TAF3: variants seen among roughly 807,000 people sequenced by gnomAD.
TAF3 encodes TATA-box binding protein associated factor 3.
TAF3 carries 7 observed loss-of-function variants against 80.6 expected under a neutral mutation model. The observed-to-expected ratio is 0.09, with a 90% CI of 0.05 to 0.16. TAF3 has a LOEUF of 0.16. Ranked by LOEUF, TAF3 falls within the 10% of genes least tolerant of loss-of-function variation. The probability of loss-of-function intolerance (pLI) is 1.00; values close to 1 mark genes in which losing one functional copy is unlikely to be tolerated. For missense variants in TAF3, 921 were observed against 1,140.2 expected, an observed-to-expected ratio of 0.81 and a Z score of 2.77; for synonymous variants, 444 against 446.1, an observed-to-expected ratio of 1.00 and a Z score of 0.06.
In TAF3 at chr10:7,981,833, A is replaced by G. The variant is rs1588575674; in HGVS notation, c.2315+4510A>G. 2.6e-5 allele frequency among the ~76,000 whole-genome samples: 4 copies of G among 152,208 alleles called. No individual in the cohort carries two copies. The East Asian group carries it at 5.8e-4, about 22-fold the overall frequency. On this transcript the variant is annotated intron_variant, in intron 4 of 6. Transcript: ENST00000344293. Reference sequence around the variant, plus strand: ...TTAAGCCTTGTGGGGGCTTTTTAATACTTGTAATGTCTAAATTTTTTCTAT... The same window carrying G: ...TTAAGCCTTGTGGGGGCTTTTTAATGCTTGTAATGTCTAAATTTTTTCTAT...
At position 7,995,938 on chromosome 10, in the gene TAF3, TTGATCCAATC is replaced by T. The variant is rs1369473894; in HGVS notation, c.2316-13136_2316-13127del. ...ATTGTCTTTGGGTATTTGGTGTTTT[TTGATCCAATC>T]TGAAATATGGAAATGACTGTGTTAC... On this transcript the variant is annotated intron_variant, in intron 4 of 6. Coordinates refer to ENST00000344293, the MANE Select transcript of TAF3 (RefSeq NM_031923.4). Among the ~76,000 whole-genome samples the T allele has an allele frequency of 3.3e-5, 5 of 152,334 alleles. No homozygotes were observed. In the East Asian group the frequency reaches 9.6e-4, roughly 29 times the overall value.
At chr10:7,858,714 G>T (rs915966646) in intron 2 of TAF3, among the ~76,000 whole-genome samples, 7 of 152,158 alleles carry the variant, frequency 4.6e-5, no homozygotes, top group Non-Finnish European at 1.0e-4. Context: ...CCGTGGCCGG[G>T]ACATATTCAC....
At chr10:7,983,350 A>G (rs926675558) in intron 4 of TAF3, among the ~76,000 whole-genome samples, 2 of 152,194 alleles carry the variant, frequency 1.3e-5, no homozygotes, top group Non-Finnish European at 2.9e-5. Flanking sequence ...AAGGCGATTT[A>G]TATGTTTTAT....
At chr10:7,903,872 G>T (rs575498647) in intron 2 of TAF3, among the ~76,000 whole-genome samples, 5 of 152,192 alleles carry the variant, frequency 3.3e-5, no homozygotes, top group African/African-American at 1.2e-4. Flanking sequence ...TCTCTCGGGG[G>T]ACATAAGGGA....
intron 3 of TAF3, among the ~76,000 whole-genome samples, chr10:7,969,410 A>G (rs1373145269): frequency 6.6e-6 from 1 of 152,188 alleles, no homozygotes; most frequent in Non-Finnish European, 1.5e-5. Flanking sequence ...ATTGCTATTA[A>G]TACTGTCACA....
intron 1 of TAF3, among the ~76,000 whole-genome samples, chr10:7,821,461 G>A (rs1421222780): frequency 2.0e-5 from 3 of 152,092 alleles, no homozygotes; most frequent in African/African-American, 7.2e-5. Flanking sequence ...CTGACCATAA[G>A]GTGTGTTCAA....
chr10:7,992,544 G>A (rs965277862), intron 4 of TAF3, among the ~76,000 whole-genome samples: 1 of 150,356 alleles, frequency 6.7e-6, no homozygotes, highest in African/African-American at 2.4e-5. Context: ...GGGGAAAGTA[G>A]AATTTGAGTA....
At chr10:7,833,810 T>C in intron 2 of TAF3, 2 of 454,478 alleles carry the variant, frequency 4.4e-6, no homozygotes, top group South Asian at 6.5e-5. Flanking sequence ...GGGTGGCCAA[T>C]TGCAGTTCTT....
intron 2 of TAF3, among the ~76,000 whole-genome samples, chr10:7,928,961 T>G (rs747050786): frequency 5.9e-5 from 9 of 152,218 alleles, no homozygotes; most frequent in Non-Finnish European, 1.2e-4. Context: ...TGTTCTGCAT[T>G]TGCCCCTACT....
intron 2 of TAF3, among the ~76,000 whole-genome samples, chr10:7,863,626 A>AAAAATATATAT (rs1218836662): frequency 4.2e-5 from 2 of 48,098 alleles, no homozygotes; most frequent in Admixed American, 3.1e-4. Context: ...AAAAAAAAAA[A>AAAAATATATAT]ATATATATAT....
chr10:7,875,404 G>C (rs570983866), intron 2 of TAF3, among the ~76,000 whole-genome samples: 4 of 152,190 alleles, frequency 2.6e-5, no homozygotes, highest in Admixed American at 2.6e-4. Context: ...TGGCTGAATA[G>C]TGATAATTTT....
At chr10:7,935,391 A>T (rs1405463186) in intron 2 of TAF3, among the ~76,000 whole-genome samples, 3 of 151,978 alleles carry the variant, frequency 2.0e-5, no homozygotes, top group East Asian at 3.9e-4. Flanking sequence ...AGGTCAGGAG[A>T]TCGAGACCAT....
At chr10:7,979,208 G>C (rs1018712200) in intron 4 of TAF3, among the ~76,000 whole-genome samples, 7 of 152,002 alleles carry the variant, frequency 4.6e-5, no homozygotes, top group African/African-American at 1.7e-4. Context: ...GCCAGGTGTG[G>C]TGGCAGGTGC....
At chr10:7,890,359 G>T (rs1231263520) in intron 2 of TAF3, among the ~76,000 whole-genome samples, 3 of 152,252 alleles carry the variant, frequency 2.0e-5, no homozygotes, top group African/African-American at 7.2e-5. Flanking sequence ...ATGCTAAATT[G>T]TCTTGCCCAC....
chr10:7,851,768 A>C (rs1182429879), intron 2 of TAF3, among the ~76,000 whole-genome samples: 1 of 152,120 alleles, frequency 6.6e-6, no homozygotes, highest in Non-Finnish European at 1.5e-5. Context: ...TCACACCCTT[A>C]AAATTAATAA....
intron 2 of TAF3, among the ~76,000 whole-genome samples, chr10:7,880,334 G>A (rs1280264327): frequency 2.6e-5 from 4 of 152,294 alleles, no homozygotes; most frequent in East Asian, 1.9e-4. Flanking sequence ...ACAGATTTTT[G>A]CACATCTGAA....
At chr10:7,873,817 A>C (rs1386699851) in intron 2 of TAF3, among the ~76,000 whole-genome samples, 1 of 152,258 alleles carries the variant, frequency 6.6e-6, no homozygotes, top group Non-Finnish European at 1.5e-5. Context: ...TGCTGTTTAT[A>C]GATAGAAAAC....
At chr10:7,980,552 C>A (rs1485064661) in intron 4 of TAF3, among the ~76,000 whole-genome samples, 1 of 152,232 alleles carries the variant, frequency 6.6e-6, no homozygotes, top group African/African-American at 2.4e-5. Context: ...TTTAACAGAT[C>A]TTCCAGTAAT....
In TAF3 at chr10:7,863,620, A is replaced by AT. The variant is rs1172977310; in HGVS notation, c.409+39060_409+39061insT. Among the ~76,000 whole-genome samples the AT allele has an allele frequency of 3.1e-3, 217 of 70,480 alleles. 4 individuals are homozygous for AT. The highest frequency in any genetic ancestry group is 6.3e-3 in the East Asian group (6 of 954). The allele number at this position is 70,480 out of a possible 152,430, so 46.2% of individuals were successfully genotyped here. On this transcript the variant is annotated intron_variant, in intron 2 of 6. Coordinates refer to ENST00000344293, the MANE Select transcript of TAF3 (RefSeq NM_031923.4). ...GCAAAACTCTGTCTAAAAAAAAAAA[A>AT]AAAAAAATATATATATATATATATA...
Sources: allele counts gnomAD v4.1 joint callset (sites outside exome capture counted in the v4.1 genomes callset), GRCh38; gene constraint gnomAD v4.1.1; transcripts MANE v1.5; gene names NCBI Gene and HGNC (gene_info 2026-07-23, HGNC 2026-07-21).